The following ADGRV1 variants were observed in gnomAD, a reference collection of about 807,000 sequenced individuals.
ADGRV1 encodes G-protein coupled receptor 98.
In ADGRV1, 359 loss-of-function variants were observed where a neutral mutation model predicts 596.2. That is an observed-to-expected ratio of 0.60 (90% CI 0.55 to 0.66). The LOEUF is 0.66. Ranked by LOEUF, ADGRV1 falls within the 30% of genes least tolerant of loss-of-function variation. ADGRV1 has a pLI of 0.00. For synonymous variants in ADGRV1, 2,681 were observed against 2,679.2 expected, an observed-to-expected ratio of 1.00 and a Z score of -0.02; for missense variants, 7,274 against 7,575.6, an observed-to-expected ratio of 0.96 and a Z score of 1.48.
intron 83 of ADGRV1, among the ~76,000 whole-genome samples, chr5:90,873,421 G>A (rs1352073252): frequency 1.3e-5 from 2 of 152,092 alleles, no homozygotes; most frequent in Non-Finnish European, 2.9e-5. Flanking sequence ...ATCTGTAGAT[G>A]ATGGCATGTG....
intron 83 of ADGRV1, among the ~76,000 whole-genome samples, chr5:90,896,568 C>T (rs1036776624): frequency 6.6e-6 from 1 of 152,016 alleles, no homozygotes; most frequent in Non-Finnish European, 1.5e-5. Context: ...AGCCACTGCA[C>T]CTGGCTGATT....
chr5:91,094,413 C>G (rs552162029), intron 86 of ADGRV1, among the ~76,000 whole-genome samples: 2 of 149,888 alleles, frequency 1.3e-5, no homozygotes, highest in South Asian at 4.2e-4. Context: ...GAGCAAAGAT[C>G]AGGCCACTGC....
chr5:90,976,117 A>G (rs1478306384), intron 84 of ADGRV1, among the ~76,000 whole-genome samples: 1 of 151,318 alleles, frequency 6.6e-6, no homozygotes, highest in Admixed American at 6.6e-5. Context: ...GAAAGTAAAC[A>G]CTACTGTTTT....
At chr5:90,943,975 C>T (rs1454456953) in intron 83 of ADGRV1, among the ~76,000 whole-genome samples, 1 of 152,090 alleles carries the variant, frequency 6.6e-6, no homozygotes, top group Non-Finnish European at 1.5e-5. Flanking sequence ...CACTATTCAA[C>T]CCAGTACCAA....
At chr5:91,157,594 G>T (rs1351806000) in intron 89 of ADGRV1, among the ~76,000 whole-genome samples, 1 of 151,828 alleles carries the variant, frequency 6.6e-6, no homozygotes, top group East Asian at 1.9e-4. Context: ...CTTTCCAACA[G>T]AACATGTTTT....
chr5:90,822,961 A>G (rs1462068682), intron 75 of ADGRV1, among the ~76,000 whole-genome samples: 1 of 152,042 alleles, frequency 6.6e-6, no homozygotes, highest in Non-Finnish European at 1.5e-5. Flanking sequence ...GGTGCTTGTG[A>G]TTTCTGTACA....
At chr5:90,830,889 AT>A (rs1328746878) in intron 77 of ADGRV1, among the ~76,000 whole-genome samples, 1 of 152,162 alleles carries the variant, frequency 6.6e-6, no homozygotes, top group Non-Finnish European at 1.5e-5. Flanking sequence ...GCCTCATTCA[AT>A]CAGTCAAAGT....
chr5:90,671,373 C>T (rs1772440091), intron 21 of ADGRV1, among the ~76,000 whole-genome samples: 1 of 152,196 alleles, frequency 6.6e-6, no homozygotes, highest in Non-Finnish European at 1.5e-5. Context: ...GAGGGCCCCA[C>T]TGACCTATCA....
intron 42 of ADGRV1, 37 bp from the exon 43 acceptor site, chr5:90,716,430 A>G (rs772996233): frequency 4.7e-6 from 7 of 1,478,666 alleles, no homozygotes; most frequent in Non-Finnish European, 6.3e-6. Flanking sequence ...AACCTCTTCT[A>G]TTTTCATTTG....
At chr5:90,923,189 C>A (rs979341719) in intron 83 of ADGRV1, among the ~76,000 whole-genome samples, 1 of 152,098 alleles carries the variant, frequency 6.6e-6, no homozygotes, top group African/African-American at 2.4e-5. Flanking sequence ...GGATTTATTG[C>A]AGTTTATGAT....
chr5:91,090,515 G>A (rs757220804), intron 86 of ADGRV1, among the ~76,000 whole-genome samples: 7 of 151,846 alleles, frequency 4.6e-5, no homozygotes, highest in East Asian at 3.9e-4. Flanking sequence ...AAAGTACTGC[G>A]TTTTAAGTTC....
intron 1 of ADGRV1, among the ~76,000 whole-genome samples, chr5:90,591,211 G>T (rs1468081391): frequency 1.3e-5 from 2 of 152,152 alleles, no homozygotes; most frequent in African/African-American, 4.8e-5. Flanking sequence ...GAGCAACGTG[G>T]TGAAATCCCG....
At chr5:90,952,658 G>C (rs1314370207) in intron 83 of ADGRV1, among the ~76,000 whole-genome samples, 1 of 152,138 alleles carries the variant, frequency 6.6e-6, no homozygotes, top group Non-Finnish European at 1.5e-5. Context: ...CAAATTTTCT[G>C]TTTGGGACTT....
At chr5:90,777,827 G>A in intron 61 of ADGRV1, 78 bp from the exon 62 acceptor site, 1 of 1,303,638 alleles carries the variant, frequency 7.7e-7, no homozygotes, top group Non-Finnish European at 1.0e-6. Context: ...ATTGATTACT[G>A]TTAAAAGACA....
chr5:90,942,991 A>G (rs185590767), intron 83 of ADGRV1, among the ~76,000 whole-genome samples: 55 of 152,174 alleles, frequency 3.6e-4, no homozygotes, highest in African/African-American at 1.3e-3. Context: ...CCCTTCTGCA[A>G]TGAAGAGTTA....
intron 52 of ADGRV1, among the ~76,000 whole-genome samples, chr5:90,750,202 C>T (rs1464078165): frequency 2.0e-5 from 3 of 152,158 alleles, no homozygotes; most frequent in African/African-American, 7.2e-5. Context: ...TTCTCTTCTA[C>T]AAACTTTTTA....
intron 87 of ADGRV1, among the ~76,000 whole-genome samples, chr5:91,134,889 A>C (rs1198948542): frequency 1.2e-4 from 19 of 152,300 alleles, no homozygotes. Context: ...GGAAACCAAA[A>C]TTGGAAATTT....
chr5:90,773,685 A>G (rs1757927776), intron 59 of ADGRV1, among the ~76,000 whole-genome samples: 1 of 152,202 alleles, frequency 6.6e-6, no homozygotes, highest in Admixed American at 6.5e-5. Context: ...TGCTGCCTTT[A>G]GATATTTTTG....
chr5:91,106,565 T>C (rs1791894179), intron 87 of ADGRV1, among the ~76,000 whole-genome samples: 1 of 152,224 alleles, frequency 6.6e-6, no homozygotes, highest in South Asian at 2.1e-4. Flanking sequence ...TTGGCTAGTA[T>C]GGTTCTTTTA....
Sources: allele counts gnomAD v4.1 joint callset (sites outside exome capture counted in the v4.1 genomes callset), GRCh38; gene constraint gnomAD v4.1.1; transcripts MANE v1.5; gene names NCBI Gene and HGNC (gene_info 2026-07-23, HGNC 2026-07-21).